Variants in ADCY8 observed in about 807,000 individuals in gnomAD.
ADCY8 encodes adenylate cyclase type 8.
ADCY8 carries 51 observed loss-of-function variants against 119.7 expected under a neutral mutation model. That is an observed-to-expected ratio of 0.43 (90% CI 0.34 to 0.54). The LOEUF (loss-of-function observed/expected upper bound fraction) is 0.54, where lower values mean the gene tolerates loss of function less well. Among genes scored for constraint, ADCY8 ranks in the 20% least tolerant of loss-of-function variants. The probability of loss-of-function intolerance (pLI) is 0.03; values close to 1 mark genes in which losing one functional copy is unlikely to be tolerated. For missense variants in ADCY8, 1,383 were observed against 1,598.8 expected (o/e 0.87, Z 2.30); for synonymous variants, 665 against 651.0 (o/e 1.02, Z -0.33).
chr8:131,015,600 T>G (rs1823446985), intron 1 of ADCY8, among the ~76,000 whole-genome samples: 1 of 152,220 alleles, frequency 6.6e-6, no homozygotes. Flanking sequence ...TTTGGCTATT[T>G]TATCTCTAAA....
chr8:130,903,851 C>G lies in ADCY8; in HGVS notation c.1832G>C (p.Arg611Pro). Residue 611 changes from arginine (R) to proline (P), a missense_variant, in exon 7 of 18, where the codon CGG (arginine) becomes CCG (proline). By Grantham distance (103) the Arg-to-Pro change is moderately radical. Around this residue, in one of 2 missense-constraint regions of ADCY8, gnomAD observed 928 missense variants for 1,163.5 expected, o/e 0.80. Transcript: ENST00000286355. ...AGTGAATGTGGCCCCACTGTTTCTC[C>G]GGTCTGAGGAGCTCACTGACTCCTT... ...IVKESVSSSD[R>P]RNSGATFTEG... The G allele has an allele frequency of 6.2e-7, 1 of 1,613,926 alleles. No individual in the cohort carries two copies. Among genetic ancestry groups the G allele is most frequent in the Non-Finnish European group, 8.5e-7 (1 of 1,179,968 alleles).
intron 5 of ADCY8, among the ~76,000 whole-genome samples, chr8:130,910,392 C>T (rs372749606): frequency 3.9e-5 from 6 of 152,056 alleles, no homozygotes; most frequent in African/African-American, 1.4e-4. Context: ...CAACTGTTTC[C>T]TTCTTTCTAG....
rs761756722 is a variant in ADCY8, at chr8:130,836,373, G to T, written c.2579C>A (p.Ala860Glu). The stretch of plus-strand genomic sequence containing the variant: ...GATGGCAATCATGATCAGCAGCACT[G>T]CCAGCTTCAGGACGGAGTTCAGCCG... ...FLRLNSVLKL[A>E]VLLIMIAIYA... The change falls in exon 12 of 18, where the codon GCA (alanine) becomes GAA (glutamate). Residue 860 changes from alanine (A) to glutamate (E), a missense_variant. Physicochemically the swap from Ala to Glu is moderately radical, Grantham distance 107 (BLOSUM62 -1). Transcript: ENST00000286355. The T allele has an allele frequency of 1.9e-6, 3 of 1,614,002 alleles. No homozygotes were observed. In the South Asian group the frequency reaches 3.3e-5, roughly 18 times the overall value.
At chr8:131,006,320 G>A (rs894283779) in intron 1 of ADCY8, among the ~76,000 whole-genome samples, 4 of 152,164 alleles carry the variant, frequency 2.6e-5, no homozygotes, top group African/African-American at 9.7e-5. Context: ...TTGACAGGAC[G>A]CTCCTGTGGT....
intron 3 of ADCY8, among the ~76,000 whole-genome samples, chr8:130,946,122 G>A (rs1291125320): frequency 6.6e-6 from 1 of 152,194 alleles, no homozygotes; most frequent in African/African-American, 2.4e-5. Context: ...AAAGCTACTA[G>A]TATCCATCTG....
chr8:130,913,873 T>C lies in ADCY8; in HGVS notation c.1482-4007A>G, dbSNP rs568320595. On this transcript the variant is annotated intron_variant, in intron 5 of 17. Transcript: ENST00000286355. ...TTAGTGCTAGACAGCCAAGTTCTCA[T>C]CTTGTTCCATCACTGACTGGCAACA... Among the ~76,000 whole-genome samples the C allele has an allele frequency of 1.3e-3, 191 of 152,290 alleles. 1 individual carries two copies. The highest frequency in any genetic ancestry group is 3.4e-3 in the Middle Eastern group (1 of 294).
intron 6 of ADCY8, among the ~76,000 whole-genome samples, chr8:130,907,805 T>C (rs1011035704): frequency 6.6e-6 from 1 of 152,232 alleles, no homozygotes; most frequent in Admixed American, 6.5e-5. Context: ...AAGCATATTG[T>C]ATGATGCTGA....
chr8:131,027,831 C>T lies in ADCY8; in HGVS notation c.960+11543G>A, dbSNP rs76402205. Among the ~76,000 whole-genome samples, 1,512 of 152,190 alleles carry T rather than the reference C, an allele frequency of 9.9e-3. 29 individuals carry two copies. The highest frequency in any genetic ancestry group is 0.034 in the African/African-American group (1,429 of 41,516). On this transcript the variant is annotated intron_variant, in intron 1 of 17. Coordinates refer to ENST00000286355, the MANE Select transcript of ADCY8 (RefSeq NM_001115.3). ...TGAGATAATGTGAAGTCATATAGGA[C>T]GGAAACTTCAGGAGCCCCAACATTG...
At chr8:131,038,145 T>C (rs1824221760) in intron 1 of ADCY8, among the ~76,000 whole-genome samples, 1 of 152,176 alleles carries the variant, frequency 6.6e-6, no homozygotes, top group African/African-American at 2.4e-5. Context: ...AGGAGGCCAG[T>C]GATGGGTGAA....
At position 131,040,431 on chromosome 8, in the gene ADCY8, G is replaced by A. The variant is rs536097143; in HGVS notation, c.-98C>T. 12 of 1,363,592 alleles carry A rather than the reference G, an allele frequency of 8.8e-6. No homozygotes were observed. Among genetic ancestry groups the A allele is most frequent in the Admixed American group, 3.1e-5 (1 of 31,902 alleles). 84.5% of individuals were successfully genotyped at this position (1,363,592 alleles called of 1,614,324 possible). A position where few individuals can be genotyped will look rare whatever the true frequency, so the allele number is the denominator to read the frequency against. ...AGGCGGCCTGGTAGGAGCTTGGCAA[G>A]GATCCTTTTTATCCTAGGCTGCCCC... On this transcript the variant is annotated 5_prime_UTR_variant, in exon 1 of 18. Coordinates refer to ENST00000286355, the MANE Select transcript of ADCY8 (RefSeq NM_001115.3).
intron 12 of ADCY8, among the ~76,000 whole-genome samples, chr8:130,835,754 A>G (rs972587822): frequency 6.6e-6 from 1 of 152,210 alleles, no homozygotes; most frequent in African/African-American, 2.4e-5. Context: ...TAGATTACTT[A>G]TAAAACCTAA....
chr8:131,008,540 AGTC>A (rs2130775659), intron 1 of ADCY8, among the ~76,000 whole-genome samples: 1 of 152,282 alleles, frequency 6.6e-6, no homozygotes, highest in South Asian at 2.1e-4. Context: ...TGGAACTGTG[AGTC>A]AATTAAGCCT....
chr8:130,952,005 C>T lies in ADCY8; in HGVS notation c.1111-7G>A, dbSNP rs371147927. The T allele has an allele frequency of 2.0e-5, 33 of 1,613,702 alleles. No individual in the cohort carries two copies. Among genetic ancestry groups the T allele is most frequent in the Admixed American group, 5.0e-5 (3 of 60,000 alleles). On this transcript the variant is annotated splice_polypyrimidine_tract_variant and splice_region_variant and intron_variant, in intron 2 of 17. Transcript: ENST00000286355. ...CAGAAAGCACGAGCCGCTCCTGGAA[C>T]AAATGAAGAGGGACGGTCCTGTTAG...
chr8:131,036,016 AAAG>A (rs1395475594), intron 1 of ADCY8, among the ~76,000 whole-genome samples: 1 of 152,154 alleles, frequency 6.6e-6, no homozygotes. Flanking sequence ...TTAAGTAGTA[AAAG>A]AAGTACTCCT....
chr8:130,983,607 C>T (rs537964175), intron 2 of ADCY8, among the ~76,000 whole-genome samples: 49 of 152,212 alleles, frequency 3.2e-4, no homozygotes, highest in Non-Finnish European at 4.3e-4. Context: ...TGGAATGTCA[C>T]GCTGGGGACA....
chr8:130,810,317 A>G (rs145015981), intron 14 of ADCY8, among the ~76,000 whole-genome samples: 2,232 of 150,474 alleles, frequency 0.015, 56 homozygotes, highest in Admixed American at 0.075. Context: ...CCTTTCACAT[A>G]TTGTATGACT....
At position 130,937,151 on chromosome 8, in the gene ADCY8, A is replaced by G. The variant is rs773155849; in HGVS notation, c.1403T>C (p.Val468Ala). ...IKILGDCYYC[V>A]SGLPEPRQDH... ...CTGGCGGGGCTCAGGAAGTCCAGAC[A>G]CGCAGTAGTAGCAGTCCCCCAGGAT... The change falls in exon 5 of 18, where the codon GTG becomes GCG. Residue 468 changes from valine (V) to alanine (A), a missense_variant. Around this residue, in one of 2 missense-constraint regions of ADCY8, gnomAD observed 928 missense variants for 1,163.5 expected, o/e 0.80. Transcript: ENST00000286355. 1.2e-5 allele frequency: 20 copies of G among 1,613,850 alleles called. No homozygotes were observed. The highest frequency in any genetic ancestry group is 1.6e-5 in the Non-Finnish European group (19 of 1,179,860).
chr8:130,866,248 G>A lies in ADCY8; in HGVS notation c.2210+1598C>T, dbSNP rs143589518. On this transcript the variant is annotated intron_variant, in intron 9 of 17. Transcript: ENST00000286355. ...ATACCATCTGTCCCATCATCTTCCC[G>A]GAATCCCCTCTCTCTTTCTAATGTC... 4.6e-5 allele frequency among the ~76,000 whole-genome samples: 7 copies of A among 151,972 alleles called. No individual in the cohort carries two copies. In the East Asian group the frequency reaches 7.8e-4, roughly 17 times the overall value.
chr8:130,990,472 C>T lies in ADCY8; in HGVS notation c.1031G>A (p.Arg344Gln). The change falls in exon 2 of 18, where the codon CGG becomes CAG. Residue 344 changes from arginine (R) to glutamine (Q), a missense_variant. Coordinates refer to ENST00000286355, the MANE Select transcript of ADCY8 (RefSeq NM_001115.3). The stretch of plus-strand genomic sequence containing the variant: ...CTCCAGGAAAGCTTGGCGCTGGGCC[C>T]GGTCTGACAGGTAACTGATGAAGAT... ...AGIFISYLSD[R>Q]AQRQAFLETR... is the part of the protein sequence containing the mutation. The T allele has an allele frequency of 5.6e-6, 9 of 1,614,180 alleles. No individual in the cohort carries two copies. The highest frequency in any genetic ancestry group is 1.7e-4 in the Middle Eastern group (1 of 6,058).
Sources: allele counts gnomAD v4.1 joint callset (sites outside exome capture counted in the v4.1 genomes callset), GRCh38; gene constraint gnomAD v4.1.1; regional missense constraint gnomAD v4.1.1; transcripts MANE v1.5; gene names NCBI Gene and HGNC (gene_info 2026-07-23, HGNC 2026-07-21).